MRE11: variants seen among roughly 807,000 people sequenced by gnomAD.
MRE11 encodes MRE11 double strand break repair nuclease.
A neutral mutation model predicts 91.7 loss-of-function variants in MRE11; 62 were observed. The observed-to-expected ratio is 0.68, with a 90% CI of 0.55 to 0.84. MRE11 has a LOEUF of 0.84. MRE11 is among the 40% of genes least tolerant of loss of function. The pLI, the probability that MRE11 is intolerant of heterozygous loss-of-function variation, is 0.00. For synonymous variants in MRE11, 273 were observed against 271.4 expected, an observed-to-expected ratio of 1.01 and a Z score of -0.06; for missense variants, 796 against 852.9, an observed-to-expected ratio of 0.93 and a Z score of 0.83.
chr11:94,467,925 G>A lies in MRE11; in HGVS notation c.1018-32C>T, dbSNP rs370266830. Reference sequence around the variant, plus strand: ...ATTTTTAAAAAGATTAAAAAACAACGTAGTAAACTGAGTTTAACTTGGCTG... The same window carrying A: ...ATTTTTAAAAAGATTAAAAAACAACATAGTAAACTGAGTTTAACTTGGCTG... On this transcript the variant is annotated intron_variant, in intron 9 of 19. Transcript: ENST00000323929. 150 of 1,564,840 alleles carry A rather than the reference G, an allele frequency of 9.6e-5. 1 individual carries two copies. In the South Asian group the frequency reaches 1.3e-3, roughly 14 times the overall value.
chr11:94,478,907 G>A (rs1363873639), intron 5 of MRE11, 31 bp from the exon 6 acceptor site: 3 of 1,610,230 alleles, frequency 1.9e-6, no homozygotes, highest in Non-Finnish European at 2.5e-6. Flanking sequence ...GAATGTTAGT[G>A]TGTATGTAAA....
intron 18 of MRE11, among the ~76,000 whole-genome samples, chr11:94,431,199 T>A (rs999608464): frequency 6.6e-6 from 1 of 152,084 alleles, no homozygotes; most frequent in East Asian, 1.9e-4. Flanking sequence ...CAGAAGTAAA[T>A]AGAAAAATTC....
chr11:94,433,267 T>C (rs775339950), intron 18 of MRE11, among the ~76,000 whole-genome samples: 6 of 152,220 alleles, frequency 3.9e-5, no homozygotes, highest in Non-Finnish European at 8.8e-5. Flanking sequence ...CAGTGATCCT[T>C]TGTAAATGTA....
chr11:94,487,478 T>C (rs1428893719), intron 3 of MRE11, among the ~76,000 whole-genome samples: 2 of 151,978 alleles, frequency 1.3e-5, no homozygotes, highest in Non-Finnish European at 2.9e-5. Context: ...AATATTAGGG[T>C]CATGAAAAAC....
At chr11:94,478,056 C>G (rs1192022459) in intron 6 of MRE11, among the ~76,000 whole-genome samples, 2 of 151,962 alleles carry the variant, frequency 1.3e-5, no homozygotes, top group African/African-American at 4.8e-5. Flanking sequence ...GGGAGGGGTG[C>G]AGGGTGGAGA....
At chr11:94,436,627 C>G (rs1307059666) in intron 17 of MRE11, among the ~76,000 whole-genome samples, 1 of 152,066 alleles carries the variant, frequency 6.6e-6, no homozygotes, top group Non-Finnish European at 1.5e-5. Flanking sequence ...AGTATTGGCT[C>G]GGGAGTTAAG....
intron 16 of MRE11, among the ~76,000 whole-genome samples, chr11:94,440,999 C>T (rs371743617): frequency 8.5e-5 from 13 of 152,102 alleles, no homozygotes; most frequent in African/African-American, 2.9e-4. Context: ...AGAGAGTATT[C>T]GGCCACCTTT....
chr11:94,465,631 G>C (rs1003669629), intron 10 of MRE11, among the ~76,000 whole-genome samples: 2 of 151,992 alleles, frequency 1.3e-5, no homozygotes, highest in East Asian at 1.9e-4. Context: ...CCTGACGTCA[G>C]ATGATTCAGC....
intron 9 of MRE11, among the ~76,000 whole-genome samples, chr11:94,469,581 T>G (rs1276431655): frequency 6.6e-6 from 1 of 152,160 alleles, no homozygotes; most frequent in Non-Finnish European, 1.5e-5. Flanking sequence ...TCAATCATCT[T>G]GAAACAAGCG....
intron 16 of MRE11, among the ~76,000 whole-genome samples, chr11:94,444,461 G>A (rs554760494): frequency 9.2e-5 from 14 of 152,194 alleles, no homozygotes; most frequent in African/African-American, 3.1e-4. Context: ...AGTTTCTGTC[G>A]CTAGTGATAT....
intron 14 of MRE11, among the ~76,000 whole-genome samples, chr11:94,448,786 C>A (rs1253310910): frequency 6.6e-6 from 1 of 151,984 alleles, no homozygotes; most frequent in Non-Finnish European, 1.5e-5. Context: ...AGAGCGAGAC[C>A]CTGTCACCAA....
At chr11:94,439,505 A>G (rs1945716791) in intron 16 of MRE11, among the ~76,000 whole-genome samples, 2 of 152,222 alleles carry the variant, frequency 1.3e-5, no homozygotes, top group South Asian at 4.1e-4. Flanking sequence ...TATTAATAAC[A>G]GCTATCATCT....
chr11:94,464,982 G>A (rs959526593), intron 10 of MRE11, among the ~76,000 whole-genome samples: 5 of 152,098 alleles, frequency 3.3e-5, no homozygotes, highest in East Asian at 1.9e-4. Context: ...TATCTGCTAA[G>A]GTTTTTTGTT....
chr11:94,422,255 C>CTTA (rs1945189669), intron 19 of MRE11, among the ~76,000 whole-genome samples: 2 of 152,124 alleles, frequency 1.3e-5, no homozygotes, highest in Admixed American at 1.3e-4. Flanking sequence ...TAAGTCCTGA[C>CTTA]TTATAACTCT....
the MRE11 span, among the ~76,000 whole-genome samples, chr11:94,504,939 G>A: frequency 7.2e-5 from 11 of 152,016 alleles, no homozygotes; most frequent in African/African-American, 2.4e-4. Flanking sequence ...ATGATGTATC[G>A]CCTATACTGA....
intron 4 of MRE11, among the ~76,000 whole-genome samples, chr11:94,481,389 C>A (rs1283134751): frequency 1.3e-5 from 2 of 152,102 alleles, no homozygotes; most frequent in East Asian, 3.8e-4. Context: ...ATTACTAACT[C>A]ATGAATTTTA....
chr11:94,507,314 T>A, the MRE11 span, among the ~76,000 whole-genome samples: 1 of 152,264 alleles, frequency 6.6e-6, no homozygotes, highest in East Asian at 1.9e-4. Context: ...TTTGTTCTTT[T>A]TATTGATGTA....
intron 11 of MRE11, among the ~76,000 whole-genome samples, chr11:94,463,405 A>G (rs1420058081): frequency 6.6e-6 from 1 of 152,184 alleles, no homozygotes; most frequent in African/African-American, 2.4e-5. Context: ...TAGAAATACC[A>G]TTTGACCCAG....
rs587781272 is a variant in MRE11 at position 94,471,758 on chromosome 11, T to G, written c.661A>C (p.Ser221Arg). 26 of 1,609,408 alleles carry G rather than the reference T, an allele frequency of 1.6e-5. No homozygotes were observed. Among genetic ancestry groups the G allele is most frequent in the Non-Finnish European group, 1.8e-5 (21 of 1,176,928 alleles). Residue 221 changes from serine (S) to arginine (R), a missense_variant and splice_region_variant, in exon 8 of 20, where the codon AGT becomes CGT. Physicochemically the swap from Ser to Arg is moderately radical, Grantham distance 110 (BLOSUM62 -1). Coordinates refer to ENST00000323929, the MANE Select transcript of MRE11 (RefSeq NM_005591.4). The part of the protein sequence containing the change: ...FNLFVIHQNR[S>R]KHGSTNFIPE... Reference sequence around the variant, plus strand: ...ATGAAGTTAGTACTTCCATGTTTACTCCTGTATCAAGATTTTGAAAAATAT... The same window carrying G: ...ATGAAGTTAGTACTTCCATGTTTACGCCTGTATCAAGATTTTGAAAAATAT...
Sources: gnomAD v4.1 joint callset for allele counts (sites outside exome capture counted in the v4.1 genomes callset) on GRCh38, gnomAD v4.1.1 for gene constraint, MANE v1.5 for transcripts, NCBI Gene and HGNC (gene_info 2026-07-23, HGNC 2026-07-21) for gene names.